The following MARCHF1 variants were observed in gnomAD, a reference collection of about 807,000 sequenced individuals.
MARCHF1 encodes membrane associated ring-CH-type finger 1, also known as E3 ubiquitin-protein ligase MARCHF1.
In MARCHF1, 40 loss-of-function variants were observed where a neutral mutation model predicts 54.2. That is an observed-to-expected ratio of 0.74 (90% CI 0.57 to 0.96). The LOEUF (loss-of-function observed/expected upper bound fraction) is 0.96. Ranked by LOEUF, MARCHF1 falls within the 40% of genes least tolerant of loss-of-function variation. The pLI, the probability that MARCHF1 is intolerant of heterozygous loss-of-function variation, is 0.00. For missense variants in MARCHF1, 586 were observed against 656.5 expected, an observed-to-expected ratio of 0.89 and a Z score of 1.17; for synonymous variants, 236 against 236.3, an observed-to-expected ratio of 1.00 and a Z score of 0.01.
intron 8 of MARCHF1, among the ~76,000 whole-genome samples, chr4:163,561,730 T>C (rs573714815): frequency 6.6e-6 from 1 of 152,344 alleles, no homozygotes; most frequent in East Asian, 1.9e-4. Flanking sequence ...TAATTGTTTG[T>C]GTAGTTACTA....
chr4:164,152,435 CA>C (rs1232694126), intron 1 of MARCHF1, among the ~76,000 whole-genome samples: 2 of 152,116 alleles, frequency 1.3e-5, no homozygotes, highest in Non-Finnish European at 2.9e-5. Context: ...CAGGAATTCT[CA>C]TCAGATGGGT....
At chr4:163,764,321 T>C in intron 4 of MARCHF1, among the ~76,000 whole-genome samples, 1 of 152,042 alleles carries the variant, frequency 6.6e-6, no homozygotes. Context: ...AGATAAATAA[T>C]ATGAAAAAGA....
intron 9 of MARCHF1, among the ~76,000 whole-genome samples, chr4:163,537,618 TTAA>T (rs1346376929): frequency 6.6e-6 from 1 of 152,176 alleles, no homozygotes; most frequent in Non-Finnish European, 1.5e-5. Context: ...TTCTGTAGGT[TTAA>T]TAATAAACTC....
At chr4:163,986,304 GC>G (rs1329171669) in intron 3 of MARCHF1, among the ~76,000 whole-genome samples, 7 of 92,328 alleles carry the variant, frequency 7.6e-5, no homozygotes, top group Admixed American at 1.5e-4. Context: ...TCGCTCTGTC[GC>G]CCAGGCTGGA....
rs1355442734 is a variant in MARCHF1 at position 163,854,116 on chromosome 4, C to T, written c.16G>A (p.Glu6Lys). ...CTGTGAGGGTTACGGGCTATCGCTT[C>T]ACACCAGCCCAGCATTTTCTCCTTC... MLGWC[E>K]AIARNPHRIP... The change falls in exon 4 of 10, where the codon GAA becomes AAA. Residue 6 changes from glutamate to lysine, a missense_variant. Around this residue, in one of 3 missense-constraint regions of MARCHF1, gnomAD observed 387 missense variants for 394.6 expected, o/e 0.98. Transcript: ENST00000514618. The T allele has an allele frequency of 6.5e-7, 1 of 1,535,636 alleles. No individual in the cohort carries two copies. The highest frequency in any genetic ancestry group is 8.7e-7 in the Non-Finnish European group (1 of 1,145,988).
intron 4 of MARCHF1, among the ~76,000 whole-genome samples, chr4:163,732,904 C>A (rs139723481): frequency 0.038 from 5,818 of 151,888 alleles, 169 homozygotes; most frequent in East Asian, 0.078. Context: ...GTAATCCCAG[C>A]AATTTGGGAT....
At chr4:164,259,567 A>G (rs1167263892) in intron 1 of MARCHF1, among the ~76,000 whole-genome samples, 1 of 133,790 alleles carries the variant, frequency 7.5e-6, no homozygotes, top group African/African-American at 3.2e-5. Context: ...AAAAAAAAAG[A>G]AAAAAGAAAA....
Position 164,121,936 on chromosome 4 carries a change from A to T in MARCHF1, c.-322-10274T>A, listed in dbSNP as rs573428976. Reference sequence around the variant, plus strand: ...ATATCTCTGATGAATATTGATGCAAAAATCATTAACAAAATACTAGCAAAC... The same window carrying T: ...ATATCTCTGATGAATATTGATGCAATAATCATTAACAAAATACTAGCAAAC... On this transcript the variant is annotated intron_variant, in intron 1 of 9. Coordinates refer to ENST00000514618, the MANE Select transcript of MARCHF1 (RefSeq NM_001394959.1). Among the ~76,000 whole-genome samples, 6 of 152,286 alleles carry T rather than the reference A, an allele frequency of 3.9e-5. No homozygotes were observed. The East Asian group carries it at 1.2e-3, about 29-fold the overall frequency.
intron 3 of MARCHF1, among the ~76,000 whole-genome samples, chr4:163,906,826 A>G (rs1052468264): frequency 3.9e-5 from 1 of 25,556 alleles, no homozygotes; most frequent in Admixed American, 5.8e-4. Context: ...CTTGATATAT[A>G]CACCCCTCCC....
chr4:163,607,211 TG>T (rs1741173324), intron 7 of MARCHF1, among the ~76,000 whole-genome samples: 2 of 152,090 alleles, frequency 1.3e-5, no homozygotes, highest in Non-Finnish European at 1.5e-5. Flanking sequence ...TGATTTCTGT[TG>T]ATTTTATCCC....
intron 1 of MARCHF1, chr4:164,190,243 A>G: frequency 7.9e-7 from 1 of 1,266,006 alleles, no homozygotes; most frequent in Non-Finnish European, 1.1e-6. Flanking sequence ...AAGGAACTGG[A>G]AGAAATTGTT....
At chr4:164,200,145 T>C (rs527954384) in intron 1 of MARCHF1, among the ~76,000 whole-genome samples, 1 of 152,356 alleles carries the variant, frequency 6.6e-6, no homozygotes, top group East Asian at 1.9e-4. Context: ...TATGTTTGTA[T>C]TACTGCATTT....
At chr4:163,832,235 C>T (rs1874094) in intron 4 of MARCHF1, among the ~76,000 whole-genome samples, 58,085 of 151,966 alleles carry the variant, frequency 0.38, 11,593 homozygotes, top group East Asian at 0.54. Flanking sequence ...ATATAGAATA[C>T]GTGCAGATTC....
chr4:163,800,840 C>T (rs985122852), intron 4 of MARCHF1, among the ~76,000 whole-genome samples: 17 of 152,066 alleles, frequency 1.1e-4, no homozygotes, highest in African/African-American at 2.9e-4. Context: ...AGGGGAAAGA[C>T]ACTGGGCAAG....
intron 1 of MARCHF1, among the ~76,000 whole-genome samples, chr4:164,373,348 A>G (rs1731090643): frequency 7.2e-6 from 1 of 138,388 alleles, no homozygotes; most frequent in Admixed American, 7.9e-5. Context: ...AATGTGAAAA[A>G]CTACTTTTTT....
At chr4:163,759,431 T>C (rs1260440158) in intron 4 of MARCHF1, among the ~76,000 whole-genome samples, 4 of 152,192 alleles carry the variant, frequency 2.6e-5, no homozygotes, top group Admixed American at 6.5e-5. Flanking sequence ...AGGTTAATGA[T>C]CTCATGATGT....
chr4:164,119,820 T>C (rs976597855), intron 1 of MARCHF1, among the ~76,000 whole-genome samples: 1 of 151,782 alleles, frequency 6.6e-6, no homozygotes, highest in African/African-American at 2.4e-5. Flanking sequence ...TTAAAATGGA[T>C]CAATTTTCAA....
chr4:163,926,418 A>G (rs1294511643), intron 3 of MARCHF1, among the ~76,000 whole-genome samples: 1 of 151,652 alleles, frequency 6.6e-6, no homozygotes, highest in African/African-American at 2.4e-5. Context: ...TTTCAGTAAC[A>G]GAACATGACT....
chr4:164,241,318 C>G (rs1264334365), intron 1 of MARCHF1, among the ~76,000 whole-genome samples: 1 of 152,162 alleles, frequency 6.6e-6, no homozygotes, highest in Non-Finnish European at 1.5e-5. Flanking sequence ...ACCTCCAGTC[C>G]TTCCACTCAG....
Sources: allele counts gnomAD v4.1 joint callset (sites outside exome capture counted in the v4.1 genomes callset), GRCh38; gene constraint gnomAD v4.1.1; regional missense constraint gnomAD v4.1.1; transcripts MANE v1.5; gene names NCBI Gene and HGNC (gene_info 2026-07-23, HGNC 2026-07-21).